The following ADGRE1 variants were observed in gnomAD, a reference collection of about 807,000 sequenced individuals.
ADGRE1 encodes the protein adhesion G protein-coupled receptor E1, also known as EGF-like module receptor 1.
Under a neutral mutation model 102.7 loss-of-function variants are expected in ADGRE1, and 82 were observed. The observed-to-expected ratio is 0.80, with a 90% CI of 0.67 to 0.96. The LOEUF (loss-of-function observed/expected upper bound fraction) is 0.96. ADGRE1 is among the 40% of genes least tolerant of loss of function. The pLI is 0.00. For synonymous variants in ADGRE1, 398 were observed against 399.6 expected, an observed-to-expected ratio of 1.00 and a Z score of 0.05; for missense variants, 1,032 against 1,085.3, an observed-to-expected ratio of 0.95 and a Z score of 0.69.
chr19:6,896,362 T>A, intron 2 of ADGRE1, 36 bp from the exon 3 acceptor site: 1 of 1,607,664 alleles, frequency 6.2e-7, no homozygotes, highest in Non-Finnish European at 8.5e-7. Flanking sequence ...TCTAATGCTC[T>A]AATCTTGTCT....
chr19:6,897,151 A>G lies in ADGRE1; in HGVS notation c.241A>G (p.Ile81Val). The G allele has an allele frequency of 1.2e-6, 2 of 1,604,828 alleles. No homozygotes were observed. The highest frequency in any genetic ancestry group is 1.1e-5 in the South Asian group (1 of 90,762). Reference protein sequence around the residue: ...FKDPGVRCKDIDECSQSPQPC... With the variant: ...FKDPGVRCKDVDECSQSPQPC... ...TGTAACTCCAATTCTCTGTCTAGATATTGATGAATGTTCTCAAAGCCCCCA... is the reference window on the plus strand; with the variant it reads ...TGTAACTCCAATTCTCTGTCTAGATGTTGATGAATGTTCTCAAAGCCCCCA... The change falls in exon 4 of 21, where the codon ATT becomes GTT. Residue 81 changes from isoleucine (I) to valine (V), a missense_variant and splice_region_variant. Transcript: ENST00000312053.
Position 6,940,118 on chromosome 19 carries a change from T to C in ADGRE1, c.*89T>C. 6.8e-7 allele frequency: 1 copy of C among 1,467,102 alleles called. No individual in the cohort carries two copies. The highest frequency in any genetic ancestry group is 9.5e-7 in the Non-Finnish European group (1 of 1,057,704). The allele number at this position is 1,467,102 out of a possible 1,614,324, so 90.9% of individuals were successfully genotyped here. A position where few individuals can be genotyped will look rare whatever the true frequency, so the allele number is the denominator to read the frequency against. On this transcript the variant is annotated 3_prime_UTR_variant, in exon 21 of 21. Transcript: ENST00000312053. ...GCCTACCCTGAAATCTCTTCTCAGCTTAACATGGAAATGAGGATCCCACCA... is the reference window on the plus strand; with the variant it reads ...GCCTACCCTGAAATCTCTTCTCAGCCTAACATGGAAATGAGGATCCCACCA...
chr19:6,924,560 A>G, intron 14 of ADGRE1, 118 bp from the exon 15 acceptor site: 1 of 782,662 alleles, frequency 1.3e-6, no homozygotes, highest in Non-Finnish European at 2.1e-6. Context: ...TGAGTGTTAG[A>G]GGGAGAAAAT....
intron 2 of ADGRE1, among the ~76,000 whole-genome samples, chr19:6,894,829 G>A (rs1048372287): frequency 1.7e-4 from 26 of 152,126 alleles, no homozygotes; most frequent in African/African-American, 6.3e-4. Flanking sequence ...GGTTAAATGG[G>A]TAATTGTCAA....
At position 6,897,111 on chromosome 19, in the gene ADGRE1, T is replaced by C. The variant is rs775938992; in HGVS notation, c.239-38T>C. On this transcript the variant is annotated intron_variant, in intron 3 of 20. Transcript: ENST00000312053. ...TTTTTGCAAAATACAGTCTTCTATC[T>C]AGTATAAGTAAATTTGTAACTCCAA... 163 of 1,372,404 alleles carry C rather than the reference T, an allele frequency of 1.2e-4. 4 individuals are homozygous for C. The South Asian group carries it at 1.9e-3, about 16-fold the overall frequency. 85.0% of individuals were successfully genotyped at this position (1,372,404 alleles called of 1,614,324 possible).
intron 5 of ADGRE1, among the ~76,000 whole-genome samples, chr19:6,900,298 G>T (rs1000492631): frequency 7.2e-6 from 1 of 138,768 alleles, no homozygotes; most frequent in East Asian, 2.2e-4. Flanking sequence ...AACATAGTGA[G>T]ACCCTGTCTC....
intron 1 of ADGRE1, among the ~76,000 whole-genome samples, chr19:6,888,477 A>T (rs1337652735): frequency 6.6e-6 from 1 of 152,140 alleles, no homozygotes; most frequent in East Asian, 1.9e-4. Flanking sequence ...TGGTCATTGG[A>T]TCAAATTTAA....
chr19:6,906,580 A>G, intron 9 of ADGRE1, 59 bp downstream of exon 9: 1 of 1,518,652 alleles, frequency 6.6e-7, no homozygotes, highest in Non-Finnish European at 9.1e-7. Flanking sequence ...TTTAGGTAGA[A>G]TGTTGTTTTT....
At chr19:6,900,107 A>G (rs2144902549) in intron 5 of ADGRE1, among the ~76,000 whole-genome samples, 1 of 150,950 alleles carries the variant, frequency 6.6e-6, no homozygotes, top group East Asian at 1.9e-4. Flanking sequence ...AAAAAAAAAA[A>G]AGAAAGTTAT....
chr19:6,934,334 G>C (rs1204996513), intron 17 of ADGRE1, among the ~76,000 whole-genome samples: 1 of 151,868 alleles, frequency 6.6e-6, no homozygotes, highest in Admixed American at 6.6e-5. Context: ...AAGTCCTGCT[G>C]TCTTGGTTCA....
intron 12 of ADGRE1, among the ~76,000 whole-genome samples, chr19:6,916,886 A>G (rs532274696): frequency 6.3e-4 from 96 of 152,048 alleles, no homozygotes; most frequent in African/African-American, 2.3e-3. Context: ...TTAATATATT[A>G]TTAAAATTAA....
chr19:6,897,212 C>T lies in ADGRE1; in HGVS notation c.302C>T (p.Ser101Leu). The part of the protein sequence containing the change: ...CGPNSSCKNL[S>L]GRYKCSCLDG... ...CCTAACTCATCCTGCAAAAACCTGT[C>T]AGGGAGGTACAAGTGCAGCTGTTTA... The change falls in exon 4 of 21, where the codon TCA becomes TTA. Residue 101 changes from serine (S) to leucine (L), a missense_variant. Physicochemically the swap from Ser to Leu is moderately radical, Grantham distance 145 (BLOSUM62 -2). Coordinates refer to ENST00000312053, the MANE Select transcript of ADGRE1 (RefSeq NM_001974.5). 6.2e-7 allele frequency: 1 copy of T among 1,613,242 alleles called. No homozygotes were observed.
intron 1 of ADGRE1, 84 bp downstream of exon 1, chr19:6,887,723 C>T: frequency 6.9e-7 from 1 of 1,446,610 alleles, no homozygotes; most frequent in Non-Finnish European, 9.5e-7. Flanking sequence ...ATGGATGGTC[C>T]AGCCAAGAGA....
intron 20 of ADGRE1, among the ~76,000 whole-genome samples, chr19:6,938,794 TTTTTTTC>T (rs1378691086): frequency 7.2e-6 from 1 of 138,070 alleles, no homozygotes; most frequent in African/African-American, 2.9e-5. Flanking sequence ...TCTTTCTTTC[TTTTTTTC>T]TTTTTTTTTT....
intron 13 of ADGRE1, among the ~76,000 whole-genome samples, chr19:6,920,428 C>G (rs1974605903): frequency 6.6e-6 from 1 of 150,400 alleles, no homozygotes; most frequent in Non-Finnish European, 1.5e-5. Flanking sequence ...ACCATGTTAG[C>G]CAGGATGGTC....
At chr19:6,891,870 GTGGGATAGGGCA>G (rs1461704479) in intron 2 of ADGRE1, among the ~76,000 whole-genome samples, 1 of 152,180 alleles carries the variant, frequency 6.6e-6, no homozygotes, top group African/African-American at 2.4e-5. Context: ...AAGGGGCAGG[GTGGGATAGGGCA>G]TGTCTGGTGG....
chr19:6,936,472 G>A (rs1294933423), intron 18 of ADGRE1, among the ~76,000 whole-genome samples: 1 of 150,902 alleles, frequency 6.6e-6, no homozygotes, highest in African/African-American at 2.4e-5. Context: ...AAACAAAGTT[G>A]ATACATACAC....
chr19:6,929,388 C>T (rs1340601032), intron 17 of ADGRE1, among the ~76,000 whole-genome samples: 9 of 152,090 alleles, frequency 5.9e-5, no homozygotes, highest in South Asian at 4.1e-4. Flanking sequence ...GTGACATTTA[C>T]GTAGAGCGCG....
chr19:6,916,225 C>T (rs199860809), intron 11 of ADGRE1, 24 bp from the exon 12 acceptor site: 31 of 1,603,506 alleles, frequency 1.9e-5, no homozygotes, highest in South Asian at 2.2e-5. Context: ...TGACCTCATA[C>T]GAACTCTCCC....
Sources: allele counts gnomAD v4.1 joint callset (sites outside exome capture counted in the v4.1 genomes callset), GRCh38; gene constraint gnomAD v4.1.1; transcripts MANE v1.5; gene names NCBI Gene and HGNC (gene_info 2026-07-23, HGNC 2026-07-21).